CNTN5: variants seen among roughly 807,000 people sequenced by gnomAD.
The protein encoded by CNTN5 is contactin-5.
In CNTN5, 77 loss-of-function variants were observed where a neutral mutation model predicts 129.1. The ratio of observed to expected loss-of-function variants is 0.60; its 90% CI spans 0.50 to 0.72. The LOEUF is 0.72. Among genes scored for constraint, CNTN5 ranks in the 30% least tolerant of loss-of-function variants. The pLI, the probability that CNTN5 is intolerant of heterozygous loss-of-function variation, is 0.00. For missense variants in CNTN5, 1,478 were observed against 1,328.8 expected (o/e 1.11, Z -1.75); for synonymous variants, 509 against 465.6 (o/e 1.09, Z -1.20).
chr11:99,164,180 A>T (rs1216423576), intron 1 of CNTN5, among the ~76,000 whole-genome samples: 2 of 151,918 alleles, frequency 1.3e-5, no homozygotes, highest in Non-Finnish European at 2.9e-5. Context: ...ACAAAAATTA[A>T]CAGGGCATGG....
intron 6 of CNTN5, among the ~76,000 whole-genome samples, chr11:99,910,127 C>G (rs182446582): frequency 1.3e-5 from 2 of 151,960 alleles, no homozygotes; most frequent in Non-Finnish European, 2.9e-5. Flanking sequence ...AAACTCAAAT[C>G]TTTTCTGCTG....
intron 17 of CNTN5, among the ~76,000 whole-genome samples, chr11:100,264,085 T>A (rs188738481): frequency 8.9e-4 from 135 of 152,212 alleles, no homozygotes; most frequent in African/African-American, 3.1e-3. Flanking sequence ...TGTGTATATA[T>A]ATATGTATAT....
intron 8 of CNTN5, among the ~76,000 whole-genome samples, chr11:99,965,466 G>C (rs1054282320): frequency 6.6e-6 from 1 of 151,966 alleles, no homozygotes; most frequent in Non-Finnish European, 1.5e-5. Context: ...GTAGTTGAGC[G>C]GTTTTGAGTG....
intron 21 of CNTN5, chr11:100,309,664 G>T: frequency 1.0e-6 from 1 of 984,226 alleles, no homozygotes; most frequent in South Asian, 4.7e-5. Flanking sequence ...TATATATTTG[G>T]CCCATAACTG....
At chr11:99,081,327 A>T (rs1321077857) in intron 1 of CNTN5, among the ~76,000 whole-genome samples, 1 of 152,192 alleles carries the variant, frequency 6.6e-6, no homozygotes, top group East Asian at 1.9e-4. Flanking sequence ...AATTTAACAA[A>T]GAAATATCCT....
chr11:99,960,329 T>C (rs981738848), intron 8 of CNTN5, among the ~76,000 whole-genome samples: 9 of 151,702 alleles, frequency 5.9e-5, no homozygotes, highest in Non-Finnish European at 1.2e-4. Context: ...TTCCTCCTTT[T>C]TCCTTCATCT....
intron 3 of CNTN5, among the ~76,000 whole-genome samples, chr11:99,563,466 T>C (rs1182440296): frequency 1.3e-5 from 2 of 152,206 alleles, no homozygotes; most frequent in African/African-American, 4.8e-5. Flanking sequence ...TTTATGGAAA[T>C]TCAATTCACT....
chr11:99,541,043 T>G (rs10790789), intron 2 of CNTN5, among the ~76,000 whole-genome samples: 60,277 of 151,992 alleles, frequency 0.4, 12,203 homozygotes, highest in Non-Finnish European at 0.42. Context: ...CTCCCTGCCC[T>G]CTTAAATCTT....
chr11:99,049,092 G>A (rs1864323853), intron 1 of CNTN5, among the ~76,000 whole-genome samples: 1 of 152,082 alleles, frequency 6.6e-6, no homozygotes, highest in Non-Finnish European at 1.5e-5. Context: ...TAAAACATAT[G>A]GGTTAAGAAT....
chr11:100,159,201 G>A (rs1392570101), intron 13 of CNTN5, among the ~76,000 whole-genome samples: 2 of 151,298 alleles, frequency 1.3e-5, no homozygotes, highest in African/African-American at 4.9e-5. Context: ...GATTTGTCTT[G>A]TGAAAAAAAA....
At position 100,233,964 on chromosome 11, in the gene CNTN5, AC is replaced by A. The variant is rs199925196; in HGVS notation, c.2005+9153del. On this transcript the variant is annotated intron_variant, in intron 16 of 24. Coordinates refer to ENST00000524871, the MANE Select transcript of CNTN5 (RefSeq NM_014361.4). Reference sequence around the variant, plus strand: ...ACTTAAACAAATTTACAAGAAAAAAACAACCCCATCAAAAAGTGGGCAAAGG... The same window carrying A: ...ACTTAAACAAATTTACAAGAAAAAAAAACCCCATCAAAAAGTGGGCAAAGG... Among the ~76,000 whole-genome samples, 1,132 of 152,296 alleles carry A rather than the reference AC, an allele frequency of 7.4e-3. 15 individuals carry two copies. Among genetic ancestry groups the A allele is most frequent in the African/African-American group, 0.026 (1,074 of 41,570 alleles).
chr11:99,580,686 T>C lies in CNTN5; in HGVS notation c.55+24417T>C, dbSNP rs1043187159. Among the ~76,000 whole-genome samples, 6 of 152,106 alleles carry C rather than the reference T, an allele frequency of 3.9e-5. No individual in the cohort carries two copies. The South Asian group carries it at 6.2e-4, about 16-fold the overall frequency. The stretch of plus-strand genomic sequence containing the variant: ...GGGGTCGGTGGTGATATCCCCTTTG[T>C]CATTTTTTATTGCATCTATTTGATT... On this transcript the variant is annotated intron_variant, in intron 3 of 24. Transcript: ENST00000524871.
At chr11:99,775,293 T>C (rs1454829415) in intron 3 of CNTN5, among the ~76,000 whole-genome samples, 1 of 152,056 alleles carries the variant, frequency 6.6e-6, no homozygotes, top group Non-Finnish European at 1.5e-5. Context: ...GCTTTTTTAT[T>C]GTTCCTTAAC....
At chr11:100,135,483 T>C (rs1201665775) in intron 13 of CNTN5, among the ~76,000 whole-genome samples, 2 of 152,072 alleles carry the variant, frequency 1.3e-5, no homozygotes, top group African/African-American at 4.8e-5. Context: ...CCAGAAAAGA[T>C]TTTTTAAAAG....
intron 3 of CNTN5, among the ~76,000 whole-genome samples, chr11:99,584,194 G>T (rs928455615): frequency 2.6e-5 from 4 of 152,100 alleles, no homozygotes; most frequent in Non-Finnish European, 5.9e-5. Flanking sequence ...GTTCAACGTT[G>T]TTCCCTTTTG....
chr11:99,288,165 G>A (rs1190715199), intron 1 of CNTN5, among the ~76,000 whole-genome samples: 2 of 151,816 alleles, frequency 1.3e-5, no homozygotes, highest in Non-Finnish European at 2.9e-5. Context: ...AAATGATTAT[G>A]GGTAATTAGC....
chr11:100,099,257 T>C (rs750324870), intron 13 of CNTN5, among the ~76,000 whole-genome samples: 1 of 152,082 alleles, frequency 6.6e-6, no homozygotes, highest in Non-Finnish European at 1.5e-5. Context: ...CTGTCCTAGT[T>C]TGCCCAGGAT....
intron 6 of CNTN5, among the ~76,000 whole-genome samples, chr11:99,905,684 A>G (rs1172068049): frequency 6.6e-6 from 1 of 152,064 alleles, no homozygotes; most frequent in Admixed American, 6.6e-5. Flanking sequence ...AAGAAAGTTA[A>G]TGGTATCTTG....
chr11:99,994,436 G>C (rs1305700299), intron 8 of CNTN5, among the ~76,000 whole-genome samples: 5 of 152,102 alleles, frequency 3.3e-5, no homozygotes, highest in African/African-American at 9.7e-5. Flanking sequence ...CCGTAGCTTT[G>C]GAGGTTGAAG....
Sources: allele counts gnomAD v4.1 joint callset (sites outside exome capture counted in the v4.1 genomes callset), GRCh38; gene constraint gnomAD v4.1.1; transcripts MANE v1.5; gene names NCBI Gene and HGNC (gene_info 2026-07-23, HGNC 2026-07-21).